Variants in MGST2 observed in about 807,000 individuals in gnomAD.
The protein encoded by MGST2 is glutathione peroxidase MGST2.
A neutral mutation model predicts 16.6 loss-of-function variants in MGST2; 9 were observed. That is an observed-to-expected ratio of 0.54 (90% CI 0.33 to 0.95). The LOEUF (loss-of-function observed/expected upper bound fraction) is 0.95, where lower values mean the gene tolerates loss of function less well. MGST2 is among the 40% of genes least tolerant of loss of function. The pLI is 0.03. For synonymous variants in MGST2, 79 were observed against 68.0 expected, an observed-to-expected ratio of 1.16 and a Z score of -0.79; for missense variants, 159 against 175.1, an observed-to-expected ratio of 0.91 and a Z score of 0.52.
downstream of MGST2, chr4:139,704,346 G>A (rs1474475996): frequency 3.1e-6 from 2 of 635,846 alleles, no homozygotes; most frequent in Non-Finnish European, 5.4e-6. Context: ...ATCAGTGGAA[G>A]TGTGTTGTGC....
chr4:139,713,119 T>A (rs570247945), intron 5 of MGST2, among the ~76,000 whole-genome samples: 1 of 152,110 alleles, frequency 6.6e-6, no homozygotes, highest in African/African-American at 2.4e-5. Context: ...GTGTGCGGAG[T>A]CAAAGTATCC....
At chr4:139,754,332 A>G in the MGST2 span, among the ~76,000 whole-genome samples, 1 of 152,250 alleles carries the variant, frequency 6.6e-6, no homozygotes, top group Non-Finnish European at 1.5e-5. Flanking sequence ...TGTGGACAAC[A>G]CAGAAAAATA....
At chr4:139,727,439 C>T (rs1728520036) in intron 5 of MGST2, among the ~76,000 whole-genome samples, 1 of 152,096 alleles carries the variant, frequency 6.6e-6, no homozygotes, top group South Asian at 2.1e-4. Context: ...AGGAATGAGC[C>T]CCTGGCAGCC....
chr4:139,716,767 CTTTTA>C (rs1727985011), intron 5 of MGST2: 1 of 152,428 alleles, frequency 6.6e-6, no homozygotes, highest in Non-Finnish European at 1.5e-5. Flanking sequence ...TTCAGATAAT[CTTTTA>C]TTTTTGTTTT....
At chr4:139,725,744 G>C in intron 5 of MGST2, 1 of 1,613,662 alleles carries the variant, frequency 6.2e-7, no homozygotes, top group African/African-American at 1.3e-5. Context: ...GGTTGCACTG[G>C]CCTCACCTTG....
chr4:139,698,822 T>A (rs1416401111), intron 3 of MGST2, among the ~76,000 whole-genome samples: 1 of 150,848 alleles, frequency 6.6e-6, no homozygotes, highest in Non-Finnish European at 1.5e-5. Context: ...TTTCTTCATC[T>A]TCTTTTTTTT....
chr4:139,666,917 T>G (rs1472815383), intron 1 of MGST2, among the ~76,000 whole-genome samples: 1 of 152,250 alleles, frequency 6.6e-6, no homozygotes, highest in Non-Finnish European at 1.5e-5. Context: ...ATGCTCAATG[T>G]CTTGCCTAGC....
At chr4:139,683,422 G>A (rs1408464691) in intron 2 of MGST2, among the ~76,000 whole-genome samples, 2 of 152,118 alleles carry the variant, frequency 1.3e-5, no homozygotes, top group South Asian at 2.1e-4. Context: ...TGGTTTTGGG[G>A]AAGTATTAGG....
At chr4:139,725,581 G>A (rs1331577892) in intron 5 of MGST2, among the ~76,000 whole-genome samples, 1 of 152,166 alleles carries the variant, frequency 6.6e-6, no homozygotes, top group African/African-American at 2.4e-5. Flanking sequence ...ACAACAGGAG[G>A]CCTCTAGGAA....
chr4:139,700,825 C>T (rs1181110325), intron 3 of MGST2, among the ~76,000 whole-genome samples: 1 of 152,160 alleles, frequency 6.6e-6, no homozygotes, highest in Non-Finnish European at 1.5e-5. Flanking sequence ...CTGCTACCTT[C>T]GTTGGAGAAA....
chr4:139,685,870 G>A (rs1731533127), intron 2 of MGST2, among the ~76,000 whole-genome samples: 1 of 151,848 alleles, frequency 6.6e-6, no homozygotes, highest in Admixed American at 6.6e-5. Flanking sequence ...CACCATCTTG[G>A]CCAGGCTGGT....
chr4:139,720,138 G>C lies in MGST2; in HGVS notation c.*48+15942G>C, dbSNP rs758198360. ...GTGCTCATATTGTACATTCCTGGTT[G>C]GCTGGTAGGCGTGGTGCTATAAGGG... is the stretch of plus-strand genomic sequence containing the variant. On this transcript the variant is annotated intron_variant, in intron 5 of 5. Coordinates refer to the MGST2 transcript ENST00000616265. 5 of 1,614,068 alleles carry C rather than the reference G, an allele frequency of 3.1e-6. No homozygotes were observed. The South Asian group carries it at 5.5e-5, about 18-fold the overall frequency.
At chr4:139,746,533 G>C in the MGST2 span, among the ~76,000 whole-genome samples, 4 of 152,162 alleles carry the variant, frequency 2.6e-5, no homozygotes, top group African/African-American at 9.7e-5. Context: ...CTGGAAAATG[G>C]ATTGCTTCAC....
chr4:139,745,032 C>T (rs1021042224), downstream of MGST2, among the ~76,000 whole-genome samples: 5 of 152,222 alleles, frequency 3.3e-5, no homozygotes, highest in Non-Finnish European at 5.9e-5. Flanking sequence ...GGTTTCTACT[C>T]GCTCTAACAT....
downstream of MGST2, among the ~76,000 whole-genome samples, chr4:139,743,881 C>T (rs778054568): frequency 6.6e-6 from 1 of 152,120 alleles, no homozygotes; most frequent in Non-Finnish European, 1.5e-5. Flanking sequence ...TCTGAGTCCC[C>T]ATTAATAAAT....
intron 5 of MGST2, among the ~76,000 whole-genome samples, chr4:139,731,987 T>C (rs192537841): frequency 1.3e-5 from 2 of 152,318 alleles, no homozygotes; most frequent in East Asian, 3.9e-4. Flanking sequence ...AAATTCCTTC[T>C]ACCTCACTGA....
the MGST2 span, among the ~76,000 whole-genome samples, chr4:139,746,456 C>T: frequency 6.6e-6 from 1 of 152,126 alleles, no homozygotes; most frequent in Non-Finnish European, 1.5e-5. Flanking sequence ...TTTTCCTACC[C>T]CTTATCAAGA....
intron 3 of MGST2, among the ~76,000 whole-genome samples, chr4:139,699,583 T>A (rs559115154): frequency 1.3e-5 from 2 of 152,354 alleles, no homozygotes; most frequent in East Asian, 3.9e-4. Flanking sequence ...CCAATATATT[T>A]ATGTTTATTT....
chr4:139,703,714 G>A (rs1727399126), intron 4 of MGST2, among the ~76,000 whole-genome samples, 178 bp downstream of exon 4: 1 of 152,198 alleles, frequency 6.6e-6, no homozygotes, highest in Non-Finnish European at 1.5e-5. Flanking sequence ...ATGGGAAAAT[G>A]CAAGTATAAA....
Sources: allele counts gnomAD v4.1 joint callset (sites outside exome capture counted in the v4.1 genomes callset), GRCh38; gene constraint gnomAD v4.1.1; transcripts MANE v1.5; gene names NCBI Gene and HGNC (gene_info 2026-07-23, HGNC 2026-07-21).